IDH1: variants seen among roughly 807,000 people sequenced by gnomAD.
IDH1 encodes isocitrate dehydrogenase [NADP] cytoplasmic.
IDH1 carries 33 observed loss-of-function variants against 46.1 expected under a neutral mutation model. The observed-to-expected ratio is 0.72, with a 90% confidence interval of 0.54 to 0.96. The LOEUF is 0.96. IDH1 is among the 40% of genes least tolerant of loss of function. The pLI, the probability that IDH1 is intolerant of heterozygous loss-of-function variation, is 0.00. For missense variants in IDH1, 421 were observed against 515.7 expected, an observed-to-expected ratio of 0.82 and a Z score of 1.78; for synonymous variants, 144 against 172.8, an observed-to-expected ratio of 0.83 and a Z score of 1.31.
chr2:208,245,430 T>G lies in IDH1; in HGVS notation c.415-6A>C. 1.3e-6 allele frequency: 2 copies of G among 1,533,920 alleles called. No individual in the cohort carries two copies. Among genetic ancestry groups the G allele is most frequent in the Non-Finnish European group, 1.8e-6 (2 of 1,108,290 alleles). The stretch of plus-strand genomic sequence containing the variant: ...ACAAAATCAGTTGCTCTGTACTGTG[T>G]AGAGGGGAAAAAGGTATAAAGAAAA... On this transcript the variant is annotated splice_polypyrimidine_tract_variant and splice_region_variant and intron_variant, in intron 4 of 9. Coordinates refer to ENST00000345146, the MANE Select transcript of IDH1 (RefSeq NM_005896.4).
At position 208,240,058 on chromosome 2, in the gene IDH1, C is replaced by T. The variant is rs368846814; in HGVS notation, c.851-55G>A. The stretch of plus-strand genomic sequence containing the variant: ...TCCAACTGCATGAAGAGCACTGAGT[C>T]TCTCAGAGATGAGAGCATAAATGAC... On this transcript the variant is annotated intron_variant, in intron 7 of 9. Coordinates refer to ENST00000345146, the MANE Select transcript of IDH1 (RefSeq NM_005896.4). The T allele has an allele frequency of 1.2e-5, 19 of 1,590,570 alleles. No homozygotes were observed. In the African/African-American group the frequency reaches 1.6e-4, roughly 13 times the overall value.
chr2:208,243,362 T>C (rs1264757341), intron 6 of IDH1, 65 bp downstream of exon 6: 1 of 1,188,810 alleles, frequency 8.4e-7, no homozygotes, highest in Non-Finnish European at 1.2e-6. Context: ...GGGAGATACA[T>C]ACTCTATATG....
intron 2 of IDH1, among the ~76,000 whole-genome samples, chr2:208,253,191 C>T (rs1420645961): frequency 6.6e-6 from 1 of 152,202 alleles, no homozygotes; most frequent in African/African-American, 2.4e-5. Flanking sequence ...AGACTGATAT[C>T]TTTTTAGTTC....
At chr2:208,238,103 T>C (rs1202336558) in intron 9 of IDH1, among the ~76,000 whole-genome samples, 1 of 149,070 alleles carries the variant, frequency 6.7e-6, no homozygotes, top group East Asian at 2.1e-4. Flanking sequence ...TGGCACCATC[T>C]CGGCTCACTG....
Position 208,252,070 on chromosome 2 carries a change from C to T in IDH1, c.-16-503G>A, listed in dbSNP as rs928636743. On this transcript the variant is annotated intron_variant, in intron 2 of 9. Coordinates refer to ENST00000345146, the MANE Select transcript of IDH1 (RefSeq NM_005896.4). ...AGAATGGTGAGTGCTAGCATTTCTC[C>T]TCCTTTAAGAGGCTGTTTTTGTTAT... Among the ~76,000 whole-genome samples the T allele has an allele frequency of 2.6e-5, 4 of 152,320 alleles. No homozygotes were observed. In the East Asian group the frequency reaches 7.7e-4, roughly 29 times the overall value.
intron 2 of IDH1, 123 bp from the exon 3 acceptor site, chr2:208,251,690 T>C: frequency 4.1e-6 from 3 of 735,916 alleles, no homozygotes; most frequent in Non-Finnish European, 6.7e-6. Context: ...TGCAATTCAA[T>C]TTATGTGTAG....
chr2:208,248,046 A>T (rs977189165), intron 4 of IDH1: 4 of 354,388 alleles, frequency 1.1e-5, no homozygotes, highest in African/African-American at 6.4e-5. Flanking sequence ...GTTGAAAACC[A>T]CAGATCTGGT....
At chr2:208,237,198 T>G (rs763231487) in intron 9 of IDH1, 29 bp from the exon 10 acceptor site, 2 of 1,224,026 alleles carry the variant, frequency 1.6e-6, no homozygotes, top group South Asian at 2.5e-5. Flanking sequence ...AAAAGAAAAT[T>G]TAGTTGGTCT....
chr2:208,245,793 A>ACCCC (rs1688011138), intron 4 of IDH1, among the ~76,000 whole-genome samples: 2 of 139,582 alleles, frequency 1.4e-5, no homozygotes, highest in African/African-American at 5.3e-5. Context: ...CCCCCCCAAA[A>ACCCC]AAAAAAAAAC....
chr2:208,249,404 C>T (rs1559362723), intron 3 of IDH1, among the ~76,000 whole-genome samples: 1 of 152,078 alleles, frequency 6.6e-6, no homozygotes, highest in Non-Finnish European at 1.5e-5. Flanking sequence ...AACAAGCCTA[C>T]AATTTATTGG....
At chr2:208,245,788 C>G (rs530896902) in intron 4 of IDH1, among the ~76,000 whole-genome samples, 1 of 42,350 alleles carries the variant, frequency 2.4e-5, no homozygotes, top group African/African-American at 5.7e-5. Flanking sequence ...GACCCCCCCC[C>G]CAAAAAAAAA....
At chr2:208,248,997 A>G (rs554334473) in intron 3 of IDH1, among the ~76,000 whole-genome samples, 2 of 152,280 alleles carry the variant, frequency 1.3e-5, no homozygotes, top group African/African-American at 4.8e-5. Context: ...TATAATTAGT[A>G]TAATAAGTGT....
intron 2 of IDH1, among the ~76,000 whole-genome samples, chr2:208,251,839 C>T (rs1219346529): frequency 6.6e-6 from 1 of 152,102 alleles, no homozygotes; most frequent in Non-Finnish European, 1.5e-5. Context: ...CATCATTTCC[C>T]CATTTTACTT....
In IDH1 at chr2:208,236,873, TA is replaced by T. The variant is rs1446935199; in HGVS notation, c.*205del. On this transcript the variant is annotated 3_prime_UTR_variant, in exon 10 of 10. Coordinates refer to ENST00000345146, the MANE Select transcript of IDH1 (RefSeq NM_005896.4). ...GTACTAGAAAATAAAATAAAAATTG[TA>T]AAAAAGTCCCTTGCCATGTTCACAA... 1 of 550,688 alleles carries T rather than the reference TA, an allele frequency of 1.8e-6. No homozygotes were observed. The highest frequency in any genetic ancestry group is 3.2e-6 in the Non-Finnish European group (1 of 312,686). 34.1% of individuals were successfully genotyped at this position (550,688 alleles called of 1,614,324 possible). A position where few individuals can be genotyped will look rare whatever the true frequency, so the allele number is the denominator to read the frequency against.
chr2:208,250,176 A>C (rs1688096364), intron 3 of IDH1, among the ~76,000 whole-genome samples: 1 of 152,130 alleles, frequency 6.6e-6, no homozygotes, highest in Non-Finnish European at 1.5e-5. Context: ...CTCCCCTTTA[A>C]AACTCCTCAT....
intron 7 of IDH1, 116 bp downstream of exon 7, chr2:208,241,878 C>G (rs1687925684): frequency 9.8e-7 from 1 of 1,017,018 alleles, no homozygotes; most frequent in Non-Finnish European, 1.5e-6. Flanking sequence ...AGACGGTGGA[C>G]CTGGAGGTTT....
intron 9 of IDH1, among the ~76,000 whole-genome samples, chr2:208,238,641 T>C (rs1057007170): frequency 2.0e-5 from 3 of 152,218 alleles, no homozygotes; most frequent in Non-Finnish European, 2.9e-5. Flanking sequence ...TAGAATAAAA[T>C]AGCCTCTGAA....
chr2:208,236,529 T>C lies in IDH1; in HGVS notation c.*550A>G, dbSNP rs1242438333. On this transcript the variant is annotated 3_prime_UTR_variant, in exon 10 of 10. Coordinates refer to ENST00000345146, the MANE Select transcript of IDH1 (RefSeq NM_005896.4). ...AACAGTATTTAGTCTATTGGAAACA[T>C]TCAGCAAGGTCTTTACAAAAATGAC... 1 of 235,900 alleles carries C rather than the reference T, an allele frequency of 4.2e-6. No individual in the cohort carries two copies. The highest frequency in any genetic ancestry group is 8.4e-6 in the Non-Finnish European group (1 of 119,742). The allele number at this position is 235,900 out of a possible 1,614,324, so 14.6% of individuals were successfully genotyped here.
At chr2:208,239,299 A>C in intron 8 of IDH1, 66 bp from the exon 9 acceptor site, 1 of 1,526,804 alleles carries the variant, frequency 6.5e-7, no homozygotes, top group Non-Finnish European at 9.0e-7. Context: ...CAAATGTCTC[A>C]TAGTTCCCCA....
Sources: gnomAD v4.1 joint callset for allele counts (sites outside exome capture counted in the v4.1 genomes callset) on GRCh38, gnomAD v4.1.1 for gene constraint, MANE v1.5 for transcripts, NCBI Gene and HGNC (gene_info 2026-07-23, HGNC 2026-07-21) for gene names.